GUCD1: variants seen among roughly 807,000 people sequenced by gnomAD.
GUCD1 encodes protein GUCD1.
GUCD1 carries 17 observed loss-of-function variants against 28.3 expected under a neutral mutation model. The observed-to-expected ratio is 0.60, with a 90% confidence interval of 0.41 to 0.90. GUCD1 has a LOEUF of 0.90. Among genes scored for constraint, GUCD1 ranks in the 40% least tolerant of loss-of-function variants. The pLI, the probability that GUCD1 is intolerant of heterozygous loss-of-function variation, is 0.00. For synonymous variants in GUCD1, 129 were observed against 123.3 expected, an observed-to-expected ratio of 1.05 and a Z score of -0.30; for missense variants, 279 against 305.5, an observed-to-expected ratio of 0.91 and a Z score of 0.65.
chr22:24,541,193 G>A lies in GUCD1; in HGVS notation c.*1813C>T, dbSNP rs1451550443. ...CAAAGGCTTTGTCTAGGGTTGAGAA[G>A]CAATTTGGCTGGGTGGTCTCACTGC... On this transcript the variant is annotated 3_prime_UTR_variant, in exon 6 of 6. Coordinates refer to ENST00000435822, the MANE Select transcript of GUCD1 (RefSeq NM_001284254.2). The A allele has an allele frequency of 4.3e-5, 7 of 164,468 alleles. No individual in the cohort carries two copies. The highest frequency in any genetic ancestry group is 1.0e-4 in the Non-Finnish European group (7 of 68,328). The allele number at this position is 164,468 out of a possible 1,614,324, so 10.2% of individuals were successfully genotyped here.
chr22:24,555,692 C>T (rs1243537169), upstream of GUCD1: 6 of 1,550,554 alleles, frequency 3.9e-6, no homozygotes, highest in Non-Finnish European at 5.2e-6. Context: ...TGTCCCCGGT[C>T]TGAGGGCCCA....
At chr22:24,549,256 T>A (rs1163455247) in intron 1 of GUCD1, among the ~76,000 whole-genome samples, 1 of 152,116 alleles carries the variant, frequency 6.6e-6, no homozygotes, top group African/African-American at 2.4e-5. Flanking sequence ...AGACAATACC[T>A]CCATGGCTGC....
Position 24,547,917 on chromosome 22 carries a change from G to T in GUCD1, c.285C>A (p.Tyr95Ter), listed in dbSNP as rs2044770835. ...CTQTLGVDKGYKNQSFYRKHF... is the reference protein window; with the variant it reads ...CTQTLGVDKG ...GTGGCTGGTCGCTCACCTGGTTCTT[G>T]TAGCCCTTGTCGACACCCAGGGTCT... The change falls in exon 3 of 6, where the codon TAC becomes TAA. Residue 95 changes from tyrosine (Y) to a stop codon, truncating the protein, a stop_gained. Coordinates refer to ENST00000435822, the MANE Select transcript of GUCD1 (RefSeq NM_001284254.2). LOFTEE classifies it high-confidence loss of function. The T allele has an allele frequency of 1.2e-6, 2 of 1,613,978 alleles. No individual in the cohort carries two copies. The highest frequency in any genetic ancestry group is 2.7e-5 in the African/African-American group (2 of 74,930).
chr22:24,555,457 T>C (rs1452787221), upstream of GUCD1: 4 of 1,150,464 alleles, frequency 3.5e-6, no homozygotes, highest in East Asian at 1.0e-4. Flanking sequence ...CTTTTGCCAG[T>C]CCTAGGTGTA....
chr22:24,547,674 A>G (rs1407544470), intron 3 of GUCD1: 2 of 522,366 alleles, frequency 3.8e-6, no homozygotes, highest in Non-Finnish European at 7.0e-6. Context: ...GGTGGACAGG[A>G]GCCAGGACTC....
At chr22:24,549,186 C>T (rs942964086) in intron 1 of GUCD1, among the ~76,000 whole-genome samples, 185 bp from the exon 2 acceptor site, 4 of 152,172 alleles carry the variant, frequency 2.6e-5, no homozygotes, top group Admixed American at 2.0e-4. Context: ...CCCAAAACAC[C>T]GGCCAGAGCA....
At position 24,543,916 on chromosome 22, in the gene GUCD1, C is replaced by T. The variant is rs775902927; in HGVS notation, c.554G>A (p.Gly185Asp). ...HCFCRTPDYQGHFIVLRGYNR... is the reference protein window; with the variant it reads ...HCFCRTPDYQDHFIVLRGYNR... ...GTAGCCACGCAGCACGATGAAGTGGCCCTGGTAGTCAGGAGTGCGGCAGAA... is the reference window on the plus strand; with the variant it reads ...GTAGCCACGCAGCACGATGAAGTGGTCCTGGTAGTCAGGAGTGCGGCAGAA... Residue 185 changes from glycine (G) to aspartate (D), a missense_variant, in exon 5 of 6, where the codon GGC becomes GAC. By Grantham distance (94) the Gly-to-Asp change is moderately conservative. Coordinates refer to ENST00000435822, the MANE Select transcript of GUCD1 (RefSeq NM_001284254.2). The T allele has an allele frequency of 6.2e-7, 1 of 1,614,020 alleles. No homozygotes were observed. The highest frequency in any genetic ancestry group is 8.5e-7 in the Non-Finnish European group (1 of 1,179,952).
At chr22:24,549,955 G>A (rs2044829860) in intron 1 of GUCD1, among the ~76,000 whole-genome samples, 1 of 152,232 alleles carries the variant, frequency 6.6e-6, no homozygotes, top group African/African-American at 2.4e-5. Context: ...CAGGGTGTGA[G>A]ACCATGGCCA....
chr22:24,544,244 C>T (rs1282142847), intron 4 of GUCD1, among the ~76,000 whole-genome samples, 161 bp from the exon 5 acceptor site: 1 of 151,924 alleles, frequency 6.6e-6, no homozygotes, highest in Non-Finnish European at 1.5e-5. Flanking sequence ...CCAGGCTCAG[C>T]CTAGAGCCAA....
At chr22:24,545,684 A>G (rs571081005) in intron 4 of GUCD1, among the ~76,000 whole-genome samples, 5 of 151,620 alleles carry the variant, frequency 3.3e-5, no homozygotes, top group African/African-American at 1.2e-4. Context: ...GCTCACTGCA[A>G]GCTCCGCCTC....
chr22:24,543,107 G>A lies in GUCD1; in HGVS notation c.629-10C>T. On this transcript the variant is annotated splice_polypyrimidine_tract_variant and intron_variant, in intron 5 of 5. Transcript: ENST00000435822. The stretch of plus-strand genomic sequence containing the variant: ...CTGGTGCTGCACATTCCTGCTGGGG[G>A]TGGGGAAGGCAGAACGGGGTCAGTG... 6.2e-7 allele frequency: 1 copy of A among 1,610,870 alleles called. No individual in the cohort carries two copies. Among genetic ancestry groups the A allele is most frequent in the Non-Finnish European group, 8.5e-7 (1 of 1,177,150 alleles).
intron 3 of GUCD1, chr22:24,547,698 T>A (rs1190986687): frequency 2.7e-5 from 15 of 559,238 alleles, no homozygotes; most frequent in Non-Finnish European, 3.9e-5. Context: ...ACTCAGATCC[T>A]CTGGGCAGGC....
rs550475757 is a variant in GUCD1 at position 24,547,296 on chromosome 22, ACT to A, written c.295-293_295-292del. 49 of 375,490 alleles carry A rather than the reference ACT, an allele frequency of 1.3e-4. No individual in the cohort carries two copies. In the East Asian group the frequency reaches 2.1e-3, roughly 16 times the overall value. The allele number at this position is 375,490 out of a possible 1,614,324, so 23.3% of individuals were successfully genotyped here. A position where few individuals can be genotyped will look rare whatever the true frequency, so the allele number is the denominator to read the frequency against. On this transcript the variant is annotated intron_variant, in intron 3 of 5. Coordinates refer to ENST00000435822, the MANE Select transcript of GUCD1 (RefSeq NM_001284254.2). The stretch of plus-strand genomic sequence containing the variant: ...GGATCGATCACCCTTGGGCTTGTAC[ACT>A]CTGGCAGGCATGAGCAGGAGCCCGT...
At chr22:24,547,649 G>A in intron 3 of GUCD1, 1 of 463,168 alleles carries the variant, frequency 2.2e-6, no homozygotes, top group Non-Finnish European at 4.0e-6. Context: ...CACATTCTGA[G>A]GGCTGTAGAA....
At position 24,542,928 on chromosome 22, in the gene GUCD1, C is replaced by T. The variant is rs1253689428; in HGVS notation, c.*78G>A. The T allele has an allele frequency of 9.7e-7, 1 of 1,035,408 alleles. No homozygotes were observed. Among genetic ancestry groups the T allele is most frequent in the East Asian group, 2.4e-5 (1 of 41,928 alleles). The allele number at this position is 1,035,408 out of a possible 1,614,324, so 64.1% of individuals were successfully genotyped here. A position where few individuals can be genotyped will look rare whatever the true frequency, so the allele number is the denominator to read the frequency against. On this transcript the variant is annotated 3_prime_UTR_variant, in exon 6 of 6. Transcript: ENST00000435822. ...CATTCCAACCCCAGCAGCCCCAAGC[C>T]TGGGCCAGGGCATCCTGAGCGGGCC...
At chr22:24,555,444 G>A (rs1270620515), upstream of GUCD1, 4 of 1,143,026 alleles carry the variant, frequency 3.5e-6, no homozygotes, top group East Asian at 2.6e-5. Context: ...GCCGGGTCCC[G>A]CTCTTTTGCC....
intron 3 of GUCD1, 168 bp downstream of exon 3, chr22:24,547,740 C>G (rs2044764149): frequency 1.5e-6 from 1 of 684,950 alleles, no homozygotes; most frequent in Non-Finnish European, 2.4e-6. Flanking sequence ...CTGACTGGCT[C>G]CCAAATCCTG....
chr22:24,547,754 A>G (rs2044764449), intron 3 of GUCD1, 154 bp downstream of exon 3: 1 of 751,252 alleles, frequency 1.3e-6, no homozygotes. Flanking sequence ...AATCCTGCCT[A>G]TAGCCTCTCT....
rs768692517 is a variant in GUCD1, at chr22:24,543,828, C to T, written c.628+14G>A. The T allele has an allele frequency of 1.2e-6, 2 of 1,612,376 alleles. No homozygotes were observed. The highest frequency in any genetic ancestry group is 1.7e-6 in the Non-Finnish European group (2 of 1,178,848). ...GTGGACCACTCTGCCTCACCCACCC[C>T]ACCCAGCACTCACGGTCGGCATAGG... is the stretch of plus-strand genomic sequence containing the variant. On this transcript the variant is annotated intron_variant, in intron 5 of 5. Transcript: ENST00000435822.
Sources: gnomAD v4.1 joint callset for allele counts (sites outside exome capture counted in the v4.1 genomes callset) on GRCh38, gnomAD v4.1.1 for gene constraint, MANE v1.5 for transcripts, NCBI Gene and HGNC (gene_info 2026-07-23, HGNC 2026-07-21) for gene names.